Variants in DPP6 observed in about 807,000 individuals in gnomAD.
The protein encoded by DPP6 is dipeptidyl peptidase like 6.
A neutral mutation model predicts 122.6 loss-of-function variants in DPP6; 69 were observed. The ratio of observed to expected loss-of-function variants is 0.56; its 90% confidence interval spans 0.46 to 0.69. The LOEUF is 0.69. Ranked by LOEUF, DPP6 falls within the 30% of genes least tolerant of loss-of-function variation. The pLI is 0.00. For missense variants in DPP6, 928 were observed against 1,116.9 expected (o/e 0.83, Z 2.41); for synonymous variants, 418 against 433.1 (o/e 0.97, Z 0.43).
At chr7:154,183,276 A>G (rs1798185378) in intron 1 of DPP6, among the ~76,000 whole-genome samples, 1 of 152,202 alleles carries the variant, frequency 6.6e-6, no homozygotes, top group South Asian at 2.1e-4. Flanking sequence ...ATAGCAAGAA[A>G]ATCCCAAAAG....
At chr7:154,574,762 ATATG>A (rs1180451199) in intron 5 of DPP6, among the ~76,000 whole-genome samples, 1 of 83,486 alleles carries the variant, frequency 1.2e-5, no homozygotes, top group Non-Finnish European at 2.3e-5. Context: ...TTGTGTGTGT[ATATG>A]TGTGTGGTGC....
intron 7 of DPP6, among the ~76,000 whole-genome samples, chr7:154,708,142 C>G (rs1449783023): frequency 6.6e-6 from 1 of 152,312 alleles, no homozygotes; most frequent in Admixed American, 6.5e-5. Flanking sequence ...CTGAGAATGA[C>G]TCCTGGCAAT....
At chr7:153,894,788 A>G (rs1799339491) in intron 1 of DPP6, among the ~76,000 whole-genome samples, 1 of 152,214 alleles carries the variant, frequency 6.6e-6, no homozygotes, top group Non-Finnish European at 1.5e-5. Flanking sequence ...TCTGTTGTGC[A>G]GCCAAGATGC....
rs1003803786 is a variant in DPP6 at position 154,168,489 on chromosome 7, T to G, written c.243+115426T>G. 3.3e-5 allele frequency among the ~76,000 whole-genome samples: 5 copies of G among 152,182 alleles called. No homozygotes were observed. In the East Asian group the frequency reaches 9.6e-4, roughly 29 times the overall value. Reference sequence around the variant, plus strand: ...ATTGTAGGTCACCTCCTTTCCTCTGTGGAAGGGCAGTCACATTGTGATCTT... The same window carrying G: ...ATTGTAGGTCACCTCCTTTCCTCTGGGGAAGGGCAGTCACATTGTGATCTT... On this transcript the variant is annotated intron_variant, in intron 1 of 25. Coordinates refer to ENST00000377770, the MANE Select transcript of DPP6 (RefSeq NM_130797.4).
rs1481624363 is a variant in DPP6 at position 154,618,288 on chromosome 7, C to G, written c.628-19533C>G. Among the ~76,000 whole-genome samples, 2 of 152,134 alleles carry G rather than the reference C, an allele frequency of 1.3e-5. No homozygotes were observed. The highest frequency in any genetic ancestry group is 4.8e-5 in the African/African-American group (2 of 41,426). ...TGTCCTTTCCCAACCCCTGAGGAAG[C>G]TCAGCAGAGATGCTTCAGGATGAGA... is the stretch of plus-strand genomic sequence containing the variant. On this transcript the variant is annotated intron_variant, in intron 5 of 25. Coordinates refer to ENST00000377770, the MANE Select transcript of DPP6 (RefSeq NM_130797.4). This position sits in a 1 kb window ranked among gnomAD's most constrained non-coding sequence, Gnocchi z 4.1.
rs200529127 is a variant in DPP6, at chr7:154,572,463, ATCAAT to A, written c.627+5551_627+5555del. Among the ~76,000 whole-genome samples the A allele has an allele frequency of 6.7e-3, 1,006 of 151,142 alleles. 13 individuals carry two copies. Among genetic ancestry groups the A allele is most frequent in the African/African-American group, 0.021 (880 of 41,164 alleles). On this transcript the variant is annotated intron_variant, in intron 5 of 25. Transcript: ENST00000377770. ...GTGGACTAAATTATAACTGCTGGAAATCAATTCAGGTAATTCTGAGTATATGAGTT... is the reference window on the plus strand; with the variant it reads ...GTGGACTAAATTATAACTGCTGGAAATCAGGTAATTCTGAGTATATGAGTT...
At chr7:154,062,292 TC>T (rs1298144345) in intron 1 of DPP6, among the ~76,000 whole-genome samples, 3 of 52,702 alleles carry the variant, frequency 5.7e-5, no homozygotes, top group Non-Finnish European at 7.3e-5. Flanking sequence ...CAGTCCCTCT[TC>T]CCCCCCGGCT....
At chr7:154,681,097 C>CA (rs61093950) in intron 7 of DPP6, among the ~76,000 whole-genome samples, 5,734 of 149,084 alleles carry the variant, frequency 0.038, 143 homozygotes, top group Non-Finnish European at 0.048. Context: ...GAATACATTT[C>CA]AAAAAAAAAA....
intron 7 of DPP6, among the ~76,000 whole-genome samples, chr7:154,720,839 T>G (rs938883316): frequency 6.6e-6 from 1 of 152,198 alleles, no homozygotes; most frequent in Non-Finnish European, 1.5e-5. Flanking sequence ...GGTCTTTCAG[T>G]GAGAAGGGTC....
At chr7:154,497,231 G>A (rs1377086581) in intron 3 of DPP6, among the ~76,000 whole-genome samples, 1 of 152,144 alleles carries the variant, frequency 6.6e-6, no homozygotes, top group African/African-American at 2.4e-5. Flanking sequence ...CTTCTAGTTT[G>A]TACTATACCT....
At chr7:154,186,635 C>T (rs912334656) in intron 1 of DPP6, among the ~76,000 whole-genome samples, 1 of 152,154 alleles carries the variant, frequency 6.6e-6, no homozygotes. Context: ...AGGAGGACTC[C>T]GGTGGATATG....
the DPP6 span, among the ~76,000 whole-genome samples, chr7:153,852,731 C>T: frequency 1.3e-5 from 2 of 152,170 alleles, no homozygotes; most frequent in Non-Finnish European, 2.9e-5. Flanking sequence ...ACTTACCAAA[C>T]ACTTATTTAT....
the DPP6 span, among the ~76,000 whole-genome samples, chr7:153,863,991 T>C: frequency 2.0e-5 from 3 of 152,226 alleles, no homozygotes; most frequent in African/African-American, 7.2e-5. Flanking sequence ...CAGTGGTCAT[T>C]TGGGCTACTT....
At chr7:153,980,342 T>C (rs145465586) in intron 1 of DPP6, among the ~76,000 whole-genome samples, 1,590 of 152,338 alleles carry the variant, frequency 0.01, 31 homozygotes, top group African/African-American at 0.036. Flanking sequence ...TAGAGGTGTT[T>C]ATAATATTCT....
chr7:154,065,132 C>T (rs1362170831), intron 1 of DPP6, among the ~76,000 whole-genome samples: 1 of 152,088 alleles, frequency 6.6e-6, no homozygotes, highest in East Asian at 1.9e-4. Flanking sequence ...ACCATCCTCA[C>T]CATTGTCACT....
At chr7:154,034,395 T>C (rs944036882) in intron 1 of DPP6, among the ~76,000 whole-genome samples, 2 of 152,184 alleles carry the variant, frequency 1.3e-5, no homozygotes, top group Non-Finnish European at 2.9e-5. Flanking sequence ...GAGCCTCTGA[T>C]GCTCATCGCT....
chr7:154,839,364 C>T (rs1474854189), intron 16 of DPP6, among the ~76,000 whole-genome samples: 1 of 152,232 alleles, frequency 6.6e-6, no homozygotes, highest in Non-Finnish European at 1.5e-5. Context: ...AAGACATAGA[C>T]TCACACAGGG....
At chr7:154,118,023 C>T (rs1473447483) in intron 1 of DPP6, among the ~76,000 whole-genome samples, 4 of 150,860 alleles carry the variant, frequency 2.7e-5, no homozygotes, top group Non-Finnish European at 4.4e-5. Context: ...TGAGATTGAA[C>T]TTGCCAAAGA....
At chr7:154,482,797 G>A (rs1200869367) in intron 3 of DPP6, among the ~76,000 whole-genome samples, 1 of 152,210 alleles carries the variant, frequency 6.6e-6, no homozygotes, top group East Asian at 1.9e-4. Flanking sequence ...CATGGTGAGT[G>A]ACAAATCAGC....
Sources: gnomAD v4.1 joint callset for allele counts (sites outside exome capture counted in the v4.1 genomes callset) on GRCh38, gnomAD v4.1.1 for gene constraint, Gnocchi (gnomAD v3.1) non-coding constraint, MANE v1.5 for transcripts, NCBI Gene and HGNC (gene_info 2026-07-23, HGNC 2026-07-21) for gene names.